Variants in PGBD5 observed in about 807,000 individuals in gnomAD.
PGBD5 encodes the protein piggyBac transposable element derived 5.
Under a neutral mutation model 47.9 loss-of-function variants are expected in PGBD5, and 14 were observed. That is an observed-to-expected ratio of 0.29 (90% confidence interval 0.19 to 0.46). The LOEUF (loss-of-function observed/expected upper bound fraction) is 0.46. Ranked by LOEUF, PGBD5 falls within the 20% of genes least tolerant of loss-of-function variation. The probability of loss-of-function intolerance (pLI) is 1.00; values close to 1 mark genes in which losing one functional copy is unlikely to be tolerated. For synonymous variants in PGBD5, 316 were observed against 306.3 expected (o/e 1.03, Z -0.33); for missense variants, 635 against 716.0 (o/e 0.89, Z 1.29).
chr1:230,345,251 G>A (rs1667458861), intron 3 of PGBD5, among the ~76,000 whole-genome samples: 1 of 152,196 alleles, frequency 6.6e-6, no homozygotes, highest in Admixed American at 6.5e-5. Flanking sequence ...AGCAATCTCT[G>A]CAGAGAACTG....
rs569315005 is a variant in PGBD5, at chr1:230,416,241, T to A, written c.331+9357A>T. 4.6e-5 allele frequency among the ~76,000 whole-genome samples: 7 copies of A among 152,296 alleles called. No homozygotes were observed. The South Asian group carries it at 1.2e-3, about 27-fold the overall frequency. ...ACAGAAATCCTCATATTTGGTGGCA[T>A]TGGTGTCTCTGGGGTAAGAAACTCA... On this transcript the variant is annotated intron_variant, in intron 1 of 6. Coordinates refer to ENST00000391860, the MANE Select transcript of PGBD5 (RefSeq NM_001258311.2).
chr1:230,410,627 GA>G (rs1165441517), intron 1 of PGBD5, among the ~76,000 whole-genome samples: 2 of 152,012 alleles, frequency 1.3e-5, no homozygotes, highest in Non-Finnish European at 2.9e-5. Flanking sequence ...GAAAGCAAGG[GA>G]AAAGAGAACA....
chr1:230,350,741 CA>C lies in PGBD5; in HGVS notation c.894+216del, dbSNP rs570072701. 3.2e-3 allele frequency among the ~76,000 whole-genome samples: 486 copies of C among 152,328 alleles called. 3 individuals are homozygous for C. The highest frequency in any genetic ancestry group is 0.011 in the African/African-American group (471 of 41,586). ...AGGAAGAATGTGCAGGGAACGGGGC[CA>C]GGGGTGGCAGCAGCCTCTCCAGGGC... On this transcript the variant is annotated intron_variant, in intron 3 of 6. Coordinates refer to ENST00000391860, the MANE Select transcript of PGBD5 (RefSeq NM_001258311.2).
At chr1:230,369,907 G>T (rs6541315) in intron 1 of PGBD5, among the ~76,000 whole-genome samples, 11,716 of 152,240 alleles carry the variant, frequency 0.077, 1,507 homozygotes, top group African/African-American at 0.26. Flanking sequence ...AAAAGGAAGA[G>T]ATAAGGAAAA....
chr1:230,327,102 C>G (rs7523232), intron 5 of PGBD5, among the ~76,000 whole-genome samples: 106,218 of 151,884 alleles, frequency 0.7, 38,210 homozygotes, highest in East Asian at 0.84. Context: ...AGACGGACGC[C>G]TTCTTCCTAA....
At chr1:230,361,327 TGGA>T (rs1290807744) in intron 1 of PGBD5, among the ~76,000 whole-genome samples, 1 of 151,360 alleles carries the variant, frequency 6.6e-6, no homozygotes. Flanking sequence ...AAGGAGGAGG[TGGA>T]GGAGACCTAG....
At chr1:230,329,846 G>C (rs1181295972) in intron 5 of PGBD5, among the ~76,000 whole-genome samples, 1 of 152,214 alleles carries the variant, frequency 6.6e-6, no homozygotes, top group East Asian at 1.9e-4. Context: ...TTATGGTAAA[G>C]AGCACAAAAT....
At chr1:230,354,988 A>G (rs912883539) in intron 2 of PGBD5, among the ~76,000 whole-genome samples, 4 of 152,212 alleles carry the variant, frequency 2.6e-5, no homozygotes, top group Non-Finnish European at 5.9e-5. Context: ...AAAAGCCCCA[A>G]ACATGACCTG....
At position 230,385,229 on chromosome 1, in the gene PGBD5, G is replaced by C. The variant is rs139852335; in HGVS notation, c.332-27908C>G. Among the ~76,000 whole-genome samples the C allele has an allele frequency of 2.6e-5, 4 of 152,156 alleles. No individual in the cohort carries two copies. The East Asian group carries it at 5.8e-4, about 22-fold the overall frequency. ...TGCTGAATCACAGTGTCTTCTGGCT[G>C]TGGGGCCTTGACTTTGAATTGAGAG... is the stretch of plus-strand genomic sequence containing the variant. On this transcript the variant is annotated intron_variant, in intron 1 of 6. Coordinates refer to ENST00000391860, the MANE Select transcript of PGBD5 (RefSeq NM_001258311.2).
intron 5 of PGBD5, among the ~76,000 whole-genome samples, chr1:230,326,039 C>T (rs567519196): frequency 1.3e-5 from 2 of 152,284 alleles, no homozygotes; most frequent in Admixed American, 1.3e-4. Context: ...TGCTAATTAC[C>T]CTGATCTGAT....
intron 1 of PGBD5, among the ~76,000 whole-genome samples, chr1:230,406,311 CA>C (rs67577027): frequency 0.082 from 4,506 of 54,646 alleles, 15 homozygotes; most frequent in African/African-American, 0.091. Context: ...GACTCCGTCT[CA>C]AAAAAAAAAA....
chr1:230,412,801 A>G lies in PGBD5; in HGVS notation c.331+12797T>C, dbSNP rs12064181. On this transcript the variant is annotated intron_variant, in intron 1 of 6. Coordinates refer to ENST00000391860, the MANE Select transcript of PGBD5 (RefSeq NM_001258311.2). ...GGTGGAGGTGGAAGAAAATCTGTGTATAAGTGGACCCACCCAGTGCAAACC... is the reference window on the plus strand; with the variant it reads ...GGTGGAGGTGGAAGAAAATCTGTGTGTAAGTGGACCCACCCAGTGCAAACC... 3.1e-3 allele frequency among the ~76,000 whole-genome samples: 477 copies of G among 152,296 alleles called. 3 individuals are homozygous for G. The highest frequency in any genetic ancestry group is 0.011 in the African/African-American group (452 of 41,560).
At chr1:230,405,426 T>A (rs1021164481) in intron 1 of PGBD5, among the ~76,000 whole-genome samples, 5 of 152,246 alleles carry the variant, frequency 3.3e-5, no homozygotes, top group Non-Finnish European at 7.3e-5. Flanking sequence ...TTTCTCTTTC[T>A]TATGATTTTT....
chr1:230,354,824 A>G lies in PGBD5; in HGVS notation c.759+2070T>C, dbSNP rs1407529215. Among the ~76,000 whole-genome samples the G allele has an allele frequency of 5.9e-5, 9 of 152,230 alleles. No homozygotes were observed. The South Asian group carries it at 1.4e-3, about 25-fold the overall frequency. ...CCTGCTGGGATCCTCACTACCACGT[A>G]GGGGCACCGAGTAGAAAACGTAGCA... On this transcript the variant is annotated intron_variant, in intron 2 of 6. Coordinates refer to ENST00000391860, the MANE Select transcript of PGBD5 (RefSeq NM_001258311.2).
At chr1:230,404,611 C>CAA (rs747306411) in intron 1 of PGBD5, among the ~76,000 whole-genome samples, 9 of 100,318 alleles carry the variant, frequency 9.0e-5, no homozygotes, top group South Asian at 3.3e-4. Context: ...AGTCTTGTCT[C>CAA]AAAAAAAAAA....
chr1:230,398,917 G>A (rs182941437), intron 1 of PGBD5, among the ~76,000 whole-genome samples: 1 of 152,250 alleles, frequency 6.6e-6, no homozygotes, highest in African/African-American at 2.4e-5. Flanking sequence ...GGAAGGGCTG[G>A]ATGCAGAGTG....
intron 3 of PGBD5, among the ~76,000 whole-genome samples, chr1:230,347,205 A>G (rs767888722): frequency 4.6e-5 from 7 of 152,220 alleles, no homozygotes; most frequent in Non-Finnish European, 8.8e-5. Flanking sequence ...CCCCTGTAGT[A>G]GCCAGGATTC....
At chr1:230,412,190 T>C (rs1415401461) in intron 1 of PGBD5, among the ~76,000 whole-genome samples, 1 of 152,182 alleles carries the variant, frequency 6.6e-6, no homozygotes, top group Non-Finnish European at 1.5e-5. Context: ...TTAATGCTTA[T>C]CAACGAAATT....
chr1:230,401,216 G>A (rs185405514), intron 1 of PGBD5, among the ~76,000 whole-genome samples: 14 of 152,308 alleles, frequency 9.2e-5, no homozygotes, highest in African/African-American at 9.6e-5. Flanking sequence ...CTGGGTCACC[G>A]GCTCCCTTGG....
Sources: allele counts gnomAD v4.1 joint callset (sites outside exome capture counted in the v4.1 genomes callset), GRCh38; gene constraint gnomAD v4.1.1; transcripts MANE v1.5; gene names NCBI Gene and HGNC (gene_info 2026-07-23, HGNC 2026-07-21).